Variants in ADGRV1 observed in about 807,000 individuals in gnomAD.
The protein encoded by ADGRV1 is G-protein coupled receptor 98.
A neutral mutation model predicts 596.2 loss-of-function variants in ADGRV1; 359 were observed. The observed-to-expected ratio is 0.60, with a 90% CI of 0.55 to 0.66. The LOEUF (loss-of-function observed/expected upper bound fraction) is 0.66. Ranked by LOEUF, ADGRV1 falls within the 30% of genes least tolerant of loss-of-function variation. ADGRV1 has a pLI of 0.00. For missense variants in ADGRV1, 7,274 were observed against 7,575.6 expected (o/e 0.96, Z 1.48); for synonymous variants, 2,681 against 2,679.2 (o/e 1.00, Z -0.02).
At chr5:90,729,881 T>C in intron 50 of ADGRV1, 117 bp downstream of exon 50, 1 of 1,053,468 alleles carries the variant, frequency 9.5e-7, no homozygotes, top group Non-Finnish European at 1.4e-6. Context: ...TTTTTTTTTT[T>C]TTGGAGATGG....
intron 1 of ADGRV1, among the ~76,000 whole-genome samples, chr5:90,601,166 G>A (rs1368439726): frequency 1.3e-5 from 2 of 151,878 alleles, no homozygotes; most frequent in African/African-American, 4.8e-5. Context: ...TGAACCTGGC[G>A]GTGGAGGTTG....
intron 83 of ADGRV1, among the ~76,000 whole-genome samples, chr5:90,892,800 G>C (rs914902390): frequency 6.6e-6 from 1 of 152,112 alleles, no homozygotes; most frequent in African/African-American, 2.4e-5. Flanking sequence ...GTTTGTAATA[G>C]AGTGATATAC....
intron 39 of ADGRV1, among the ~76,000 whole-genome samples, chr5:90,710,021 G>A (rs1186923507): frequency 6.6e-6 from 1 of 152,208 alleles, no homozygotes; most frequent in African/African-American, 2.4e-5. Context: ...GACTGGTAGA[G>A]CTGACTTCAA....
intron 86 of ADGRV1, among the ~76,000 whole-genome samples, chr5:91,097,417 G>C (rs561022971): frequency 2.0e-5 from 3 of 152,282 alleles, no homozygotes; most frequent in African/African-American, 7.2e-5. Flanking sequence ...CATTCAGAAC[G>C]TGGCACTGAC....
intron 85 of ADGRV1, among the ~76,000 whole-genome samples, chr5:91,064,604 A>G (rs916309238): frequency 6.6e-6 from 1 of 152,174 alleles, no homozygotes; most frequent in Non-Finnish European, 1.5e-5. Context: ...TGTAGAGATT[A>G]TCTGTAGTTT....
rs1371686085 is a variant in ADGRV1, at chr5:90,840,664, G to A, written c.16698G>A (p.Leu5566=). The A allele has an allele frequency of 3.1e-6, 5 of 1,613,912 alleles. No homozygotes were observed. Among genetic ancestry groups the A allele is most frequent in the East Asian group, 4.5e-5 (2 of 44,884 alleles). The change falls in exon 78 of 90, where the codon TTG becomes TTA. Residue 5566 remains leucine, a synonymous_variant. Transcript: ENST00000405460. ...GKDFVITEGT[L]VFEPGQRSTV... is the part of the protein sequence containing the mutation. ...ATTTTGTGATAACTGAAGGCACATT[G>A]GTCTTTGAACCTGGCCAGAGAAGCA...
At chr5:90,559,464 G>A (rs1015348790) in intron 1 of ADGRV1, among the ~76,000 whole-genome samples, 1 of 152,008 alleles carries the variant, frequency 6.6e-6, no homozygotes, top group Non-Finnish European at 1.5e-5. Context: ...AGAATAATAT[G>A]TATATGTATA....
chr5:91,052,436 CT>C (rs776174555), intron 85 of ADGRV1, among the ~76,000 whole-genome samples: 3,610 of 140,188 alleles, frequency 0.026, 45 homozygotes, highest in African/African-American at 0.056. Flanking sequence ...CTGCATATTT[CT>C]TTTTTTTTTT....
intron 85 of ADGRV1, among the ~76,000 whole-genome samples, chr5:91,013,846 C>T (rs1782926956): frequency 6.6e-6 from 1 of 151,760 alleles, no homozygotes; most frequent in Non-Finnish European, 1.5e-5. Flanking sequence ...TTGGGTTTTA[C>T]ATTAAGTTTT....
chr5:90,706,596 T>C (rs546725915), intron 38 of ADGRV1, among the ~76,000 whole-genome samples: 2 of 152,130 alleles, frequency 1.3e-5, no homozygotes, highest in East Asian at 1.9e-4. Flanking sequence ...AGTAACTACA[T>C]AGAAGGTAGA....
intron 88 of ADGRV1, among the ~76,000 whole-genome samples, chr5:91,152,543 C>A (rs753048035): frequency 8.5e-5 from 13 of 152,160 alleles, no homozygotes; most frequent in Non-Finnish European, 1.9e-4. Context: ...ACATAGAAAT[C>A]TACAAGTAAT....
intron 83 of ADGRV1, among the ~76,000 whole-genome samples, chr5:90,924,470 AG>A (rs1774214605): frequency 6.7e-6 from 1 of 150,094 alleles, no homozygotes; most frequent in African/African-American, 2.5e-5. Context: ...CCACTTTTTG[AG>A]GGGGTTGTTT....
At chr5:90,866,153 A>G (rs961491525) in intron 83 of ADGRV1, among the ~76,000 whole-genome samples, 12 of 152,142 alleles carry the variant, frequency 7.9e-5, no homozygotes, top group Non-Finnish European at 1.3e-4. Flanking sequence ...TTTTGTGGAG[A>G]AGGAAAGAAT....
At chr5:90,990,274 T>C (rs532303126) in intron 85 of ADGRV1, among the ~76,000 whole-genome samples, 1 of 152,304 alleles carries the variant, frequency 6.6e-6, no homozygotes, top group East Asian at 1.9e-4. Flanking sequence ...CTACCTCTTA[T>C]ATATAGCCTT....
chr5:91,078,954 C>G (rs752128360), intron 86 of ADGRV1, among the ~76,000 whole-genome samples: 11 of 152,178 alleles, frequency 7.2e-5, no homozygotes, highest in Non-Finnish European at 1.2e-4. Flanking sequence ...GTAAGTATGT[C>G]ATTGTCCTTT....
At chr5:91,159,537 A>C (rs1339447793) in intron 89 of ADGRV1, among the ~76,000 whole-genome samples, 2 of 152,216 alleles carry the variant, frequency 1.3e-5, no homozygotes, top group Non-Finnish European at 2.9e-5. Flanking sequence ...TGACGTTTTA[A>C]GTTTTTAAGT....
chr5:90,824,515 CT>C (rs1763903687), intron 76 of ADGRV1, among the ~76,000 whole-genome samples: 2 of 152,204 alleles, frequency 1.3e-5, no homozygotes, highest in African/African-American at 2.4e-5. Context: ...AATCCCCACT[CT>C]TTTTCGTAGT....
chr5:90,763,522 TCTTTTTC>T (rs2150016271), intron 59 of ADGRV1, 53 bp downstream of exon 59: 2 of 1,537,986 alleles, frequency 1.3e-6, no homozygotes, highest in Non-Finnish European at 1.8e-6. Flanking sequence ...TCTTTGATTT[TCTTTTTC>T]CTTTTTATTG....
In ADGRV1 at chr5:90,847,832, C is replaced by T. The variant is rs550691437; in HGVS notation, c.17020-805C>T. On this transcript the variant is annotated intron_variant, in intron 78 of 89. Coordinates refer to ENST00000405460, the MANE Select transcript of ADGRV1 (RefSeq NM_032119.4). The stretch of plus-strand genomic sequence containing the variant: ...TGGCCCTGGTTCCCGCCCTGGTTCC[C>T]GCCTCTCCCTCCACACCTCCCTGCA... Among the ~76,000 whole-genome samples, 18 of 152,276 alleles carry T rather than the reference C, an allele frequency of 1.2e-4. No individual in the cohort carries two copies. The South Asian group carries it at 2.5e-3, about 21-fold the overall frequency.
Sources: gnomAD v4.1 joint callset for allele counts (sites outside exome capture counted in the v4.1 genomes callset) on GRCh38, gnomAD v4.1.1 for gene constraint, MANE v1.5 for transcripts, NCBI Gene and HGNC (gene_info 2026-07-23, HGNC 2026-07-21) for gene names.